Variants in PDE7B observed in about 807,000 individuals in gnomAD.
The protein encoded by PDE7B is 3',5'-cyclic-AMP phosphodiesterase 7B.
A neutral mutation model predicts 56.2 loss-of-function variants in PDE7B; 29 were observed. The ratio of observed to expected loss-of-function variants is 0.52; its 90% CI spans 0.38 to 0.70. The LOEUF is 0.70. Ranked by LOEUF, PDE7B falls within the 30% of genes least tolerant of loss-of-function variation. The probability of loss-of-function intolerance (pLI) is 0.00; values close to 1 mark genes in which losing one functional copy is unlikely to be tolerated. For missense variants in PDE7B, 490 were observed against 565.0 expected, an observed-to-expected ratio of 0.87 and a Z score of 1.35; for synonymous variants, 197 against 196.9, an observed-to-expected ratio of 1.00 and a Z score of 0.00.
chr6:135,872,541 G>C (rs939199389), intron 1 of PDE7B, among the ~76,000 whole-genome samples: 3 of 152,144 alleles, frequency 2.0e-5, no homozygotes, highest in African/African-American at 7.2e-5. Context: ...TTAAAAATTG[G>C]TTAGGAATCA....
chr6:136,037,880 C>G, intron 2 of PDE7B: 2 of 984,428 alleles, frequency 2.0e-6, no homozygotes, highest in Non-Finnish European at 1.2e-6. Context: ...GCTAGAACCT[C>G]GATGGCTTTT....
chr6:136,009,222 G>A (rs1775844006), intron 2 of PDE7B, among the ~76,000 whole-genome samples: 1 of 151,862 alleles, frequency 6.6e-6, no homozygotes, highest in African/African-American at 2.4e-5. Flanking sequence ...GTACCATGCT[G>A]TTTTGGTTAC....
At chr6:135,873,420 C>G (rs1367056322) in intron 1 of PDE7B, among the ~76,000 whole-genome samples, 1 of 152,028 alleles carries the variant, frequency 6.6e-6, no homozygotes, top group African/African-American at 2.4e-5. Flanking sequence ...AATACGGTGT[C>G]TTGTGAGTAG....
chr6:135,911,734 C>G (rs879217407), intron 1 of PDE7B, among the ~76,000 whole-genome samples: 1 of 152,158 alleles, frequency 6.6e-6, no homozygotes, highest in Admixed American at 6.5e-5. Flanking sequence ...ATGGTAACTA[C>G]AAGTCTCTTG....
At chr6:136,119,944 G>A (rs1350726840) in intron 3 of PDE7B, among the ~76,000 whole-genome samples, 1 of 152,160 alleles carries the variant, frequency 6.6e-6, no homozygotes, top group Admixed American at 6.5e-5. Flanking sequence ...GGCTGCCTGG[G>A]TTTAGATTCC....
chr6:135,884,022 A>G (rs943960128), intron 1 of PDE7B, among the ~76,000 whole-genome samples: 3 of 152,212 alleles, frequency 2.0e-5, no homozygotes, highest in Non-Finnish European at 4.4e-5. Context: ...ATATGACTAT[A>G]TTTTATAAAT....
intron 11 of PDE7B, 93 bp from the exon 12 acceptor site, chr6:136,186,943 A>G: frequency 1.3e-6 from 1 of 743,474 alleles, no homozygotes; most frequent in Non-Finnish European, 2.4e-6. Context: ...TTCCCAGAAT[A>G]ACTTCTTCCG....
chr6:136,019,035 A>T lies in PDE7B; in HGVS notation c.82+71511A>T, dbSNP rs895482714. On this transcript the variant is annotated intron_variant, in intron 2 of 12. Coordinates refer to ENST00000308191, the MANE Select transcript of PDE7B (RefSeq NM_018945.4). ...CTCAGACTCTATTTTATTAAAAGGC[A>T]GTCTCTGCTTGTACTGATTTCATAG... 5.8e-4 allele frequency among the ~76,000 whole-genome samples: 89 copies of T among 152,162 alleles called. 1 individual carries two copies. Among genetic ancestry groups the T allele is most frequent in the African/African-American group, 2.1e-3 (87 of 41,546 alleles).
rs560713408 is a variant in PDE7B, at chr6:136,183,329, C to T, written c.1045+2006C>T. On this transcript the variant is annotated intron_variant, in intron 11 of 12. Coordinates refer to ENST00000308191, the MANE Select transcript of PDE7B (RefSeq NM_018945.4). ...AGATTATAGGCTGGGCATGGTGGCTCACGCCTGTAATCCCAAGACTTTGGG... is the reference window on the plus strand; with the variant it reads ...AGATTATAGGCTGGGCATGGTGGCTTACGCCTGTAATCCCAAGACTTTGGG... 8.6e-5 allele frequency among the ~76,000 whole-genome samples: 13 copies of T among 151,976 alleles called. No individual in the cohort carries two copies. The South Asian group carries it at 1.7e-3, about 19-fold the overall frequency.
At position 135,851,773 on chromosome 6, in the gene PDE7B, C is replaced by T. The variant is rs1271899686; in HGVS notation, c.-226C>T. On this transcript the variant is annotated 5_prime_UTR_variant, in exon 1 of 13. Transcript: ENST00000308191. Reference sequence around the variant, plus strand: ...CTGGGAGAAAAGTGGTGTTACTCACCCAGGGAGAGTCTCTCTTTCTACCTT... The same window carrying T: ...CTGGGAGAAAAGTGGTGTTACTCACTCAGGGAGAGTCTCTCTTTCTACCTT... 1.9e-6 allele frequency: 1 copy of T among 533,284 alleles called. No individual in the cohort carries two copies. Among genetic ancestry groups the T allele is most frequent in the Non-Finnish European group, 3.3e-6 (1 of 301,222 alleles). The allele number at this position is 533,284 out of a possible 1,614,324, so 33.0% of individuals were successfully genotyped here.
intron 2 of PDE7B, among the ~76,000 whole-genome samples, chr6:136,011,297 G>A (rs989703321): frequency 2.0e-5 from 3 of 152,074 alleles, no homozygotes; most frequent in African/African-American, 2.4e-5. Context: ...AATACTCAAA[G>A]GTTCCCAAGA....
Position 135,858,189 on chromosome 6 carries a change from G to A in PDE7B, c.21+6170G>A, listed in dbSNP as rs1374506410. On this transcript the variant is annotated intron_variant, in intron 1 of 12. Transcript: ENST00000308191. The stretch of plus-strand genomic sequence containing the variant: ...TGTTTTTGAGACAGAGTCCTGCTCT[G>A]TTGCCCAGGGTGGAGTGAAGTGGCA... Among the ~76,000 whole-genome samples the A allele has an allele frequency of 2.0e-5, 3 of 152,020 alleles. No individual in the cohort carries two copies. In the East Asian group the frequency reaches 5.8e-4, roughly 29 times the overall value.
intron 3 of PDE7B, among the ~76,000 whole-genome samples, chr6:136,109,927 T>A (rs1357483788): frequency 1.3e-5 from 2 of 152,234 alleles, no homozygotes; most frequent in Admixed American, 6.5e-5. Flanking sequence ...ACCCAAAGAA[T>A]ATTACTTTCC....
At chr6:136,041,321 A>G (rs912359417) in intron 2 of PDE7B, among the ~76,000 whole-genome samples, 9 of 152,050 alleles carry the variant, frequency 5.9e-5, no homozygotes, top group African/African-American at 2.2e-4. Context: ...TAAGGTAATA[A>G]AAGGAGAGAA....
Position 136,154,100 on chromosome 6 carries a change from C to T in PDE7B, c.504C>T (p.Ser168=), listed in dbSNP as rs1778568341. The change falls in exon 7 of 13, where the codon AGC becomes AGT. Residue 168 remains serine (S), a synonymous_variant. Coordinates refer to ENST00000308191, the MANE Select transcript of PDE7B (RefSeq NM_018945.4). ...TCATGGTTCAAGAAGATTACCACAG[C>T]CAAAACCCGTATCACAATGCTGTTC... ...FLVMVQEDYH[S]QNPYHNAVHA... is the part of the protein sequence containing the mutation. 1 of 1,613,718 alleles carries T rather than the reference C, an allele frequency of 6.2e-7. No individual in the cohort carries two copies. Among genetic ancestry groups the T allele is most frequent in the Admixed American group, 1.7e-5 (1 of 60,000 alleles).
In PDE7B at chr6:135,911,462, A is replaced by C. The variant is rs78410342; in HGVS notation, c.22-36002A>C. Among the ~76,000 whole-genome samples the C allele has an allele frequency of 4.7e-3, 715 of 152,312 alleles. 8 individuals carry two copies. The highest frequency in any genetic ancestry group is 0.017 in the African/African-American group (687 of 41,558). ...CAACAAATAGTTTGTCCATCTTTGA[A>C]CAAACTTTTAAACCAACGTGATATA... On this transcript the variant is annotated intron_variant, in intron 1 of 12. Coordinates refer to ENST00000308191, the MANE Select transcript of PDE7B (RefSeq NM_018945.4).
At chr6:135,864,311 T>C (rs1013229056) in intron 1 of PDE7B, among the ~76,000 whole-genome samples, 1 of 152,158 alleles carries the variant, frequency 6.6e-6, no homozygotes, top group South Asian at 2.1e-4. Context: ...TATATATTAT[T>C]ATGGTTTCTT....
intron 1 of PDE7B, among the ~76,000 whole-genome samples, chr6:135,877,005 T>C (rs1350109849): frequency 1.3e-5 from 2 of 152,226 alleles, no homozygotes; most frequent in Non-Finnish European, 2.9e-5. Context: ...TAAAATACTT[T>C]TGCTTCATAT....
chr6:136,131,861 G>T (rs1273984641), intron 3 of PDE7B, among the ~76,000 whole-genome samples: 1 of 152,034 alleles, frequency 6.6e-6, no homozygotes, highest in Non-Finnish European at 1.5e-5. Flanking sequence ...TTTACAAGTT[G>T]TCTTTCACTA....
Sources: gnomAD v4.1 joint callset for allele counts (sites outside exome capture counted in the v4.1 genomes callset) on GRCh38, gnomAD v4.1.1 for gene constraint, MANE v1.5 for transcripts, NCBI Gene and HGNC (gene_info 2026-07-23, HGNC 2026-07-21) for gene names.